Variants in EFNA5 observed in about 807,000 individuals in gnomAD.
EFNA5 encodes the protein ephrin A5, also known as ephrin-A5.
A neutral mutation model predicts 22.9 loss-of-function variants in EFNA5; 5 were observed. That is an observed-to-expected ratio of 0.22 (90% CI 0.11 to 0.46). EFNA5 has a LOEUF of 0.46. EFNA5 is among the 20% of genes least tolerant of loss of function. EFNA5 has a pLI of 0.99. For synonymous variants in EFNA5, 113 were observed against 112.2 expected, an observed-to-expected ratio of 1.01 and a Z score of -0.04; for missense variants, 237 against 293.3, an observed-to-expected ratio of 0.81 and a Z score of 1.40.
chr5:107,522,794 C>G (rs1264411985), intron 1 of EFNA5, among the ~76,000 whole-genome samples: 2 of 152,124 alleles, frequency 1.3e-5, no homozygotes, highest in Non-Finnish European at 2.9e-5. Context: ...CCACTATGCT[C>G]TATCACATTT....
intron 2 of EFNA5, among the ~76,000 whole-genome samples, chr5:107,394,511 A>C (rs1747868877): frequency 6.6e-6 from 1 of 152,212 alleles, no homozygotes; most frequent in Non-Finnish European, 1.5e-5. Flanking sequence ...ACTTGGTTTT[A>C]ACACCAGGGA....
intron 1 of EFNA5, among the ~76,000 whole-genome samples, chr5:107,512,251 C>A (rs964141741): frequency 5.3e-5 from 8 of 152,158 alleles, no homozygotes; most frequent in African/African-American, 1.9e-4. Flanking sequence ...TCAATCAATC[C>A]TGGCTCAGTG....
At position 107,378,497 on chromosome 5, in the gene EFNA5, G is replaced by A. The variant is rs573648892; in HGVS notation, c.*2758C>T. ...ATCAACATCCTCCTAAGCCCCCAGA[G>A]GATTGTAACACCACCACAAAAGGCC... On this transcript the variant is annotated 3_prime_UTR_variant, in exon 5 of 5. Coordinates refer to ENST00000333274, the MANE Select transcript of EFNA5 (RefSeq NM_001962.3). 2 of 152,040 alleles carry A rather than the reference G, an allele frequency of 1.3e-5. No homozygotes were observed. Among genetic ancestry groups the A allele is most frequent in the Non-Finnish European group, 2.9e-5 (2 of 68,018 alleles). The allele number at this position is 152,040 out of a possible 1,614,324, so 9.4% of individuals were successfully genotyped here.
intron 1 of EFNA5, among the ~76,000 whole-genome samples, chr5:107,532,985 A>C (rs1485765835): frequency 6.6e-6 from 1 of 152,126 alleles, no homozygotes; most frequent in East Asian, 1.9e-4. Flanking sequence ...AATTCCATGC[A>C]CCACAGCTCA....
chr5:107,456,512 A>G (rs1008944242), intron 1 of EFNA5, among the ~76,000 whole-genome samples: 1 of 152,142 alleles, frequency 6.6e-6, no homozygotes, highest in Non-Finnish European at 1.5e-5. Context: ...TGTAGAAGCC[A>G]GCAAACAGCA....
At chr5:107,613,526 G>A (rs1337553087) in intron 1 of EFNA5, among the ~76,000 whole-genome samples, 1 of 151,976 alleles carries the variant, frequency 6.6e-6, no homozygotes, top group East Asian at 1.9e-4. Context: ...ATTTCCTCCT[G>A]ACAGATCATG....
intron 1 of EFNA5, among the ~76,000 whole-genome samples, chr5:107,512,716 G>A (rs1747397316): frequency 6.6e-6 from 1 of 152,084 alleles, no homozygotes; most frequent in Non-Finnish European, 1.5e-5. Flanking sequence ...CGAGAATGCT[G>A]TTCTGAATTC....
chr5:107,470,030 T>C (rs1326224342), intron 1 of EFNA5, among the ~76,000 whole-genome samples: 3 of 152,130 alleles, frequency 2.0e-5, no homozygotes, highest in Admixed American at 6.5e-5. Flanking sequence ...CAAAGGGCAA[T>C]AGGAAATAAT....
At chr5:107,546,709 G>T (rs1431057432) in intron 1 of EFNA5, among the ~76,000 whole-genome samples, 2 of 123,286 alleles carry the variant, frequency 1.6e-5, no homozygotes, top group Non-Finnish European at 3.6e-5. Context: ...GTGTAGGAAA[G>T]AATTTTTTTT....
intron 1 of EFNA5, among the ~76,000 whole-genome samples, chr5:107,622,990 C>G (rs964326538): frequency 7.4e-6 from 1 of 134,300 alleles, no homozygotes; most frequent in Non-Finnish European, 1.5e-5. Flanking sequence ...CACTGCAGTC[C>G]GCAGTCCGGC....
chr5:107,392,131 C>T (rs1330792795), intron 2 of EFNA5, among the ~76,000 whole-genome samples: 1 of 152,210 alleles, frequency 6.6e-6, no homozygotes, highest in Non-Finnish European at 1.5e-5. Context: ...TAGTAGAGAA[C>T]ACATCCCTTC....
At chr5:107,585,238 T>G (rs373168229) in intron 1 of EFNA5, among the ~76,000 whole-genome samples, 2 of 152,200 alleles carry the variant, frequency 1.3e-5, no homozygotes, top group South Asian at 4.1e-4. Flanking sequence ...TCATAAGAGT[T>G]ACTGGATGGA....
chr5:107,648,216 T>C (rs1349594128), intron 1 of EFNA5, among the ~76,000 whole-genome samples: 2 of 152,162 alleles, frequency 1.3e-5, no homozygotes, highest in East Asian at 3.8e-4. Flanking sequence ...TTTCATATTA[T>C]AAAGTTTACT....
Position 107,427,259 on chromosome 5 carries a change from G to A in EFNA5, c.376C>T (p.Leu126=), listed in dbSNP as rs1202020894. 2 of 1,613,988 alleles carry A rather than the reference G, an allele frequency of 1.2e-6. No homozygotes were observed. The highest frequency in any genetic ancestry group is 8.5e-7 in the Non-Finnish European group (1 of 1,180,026). ...CGGCCTGGCCTGAATTCAAATCCTAGAGAAAAGGGAGTGAAGAGCTGGAAT... is the reference window on the plus strand; with the variant it reads ...CGGCCTGGCCTGAATTCAAATCCTAAAGAAAAGGGAGTGAAGAGCTGGAAT... The part of the protein sequence containing the change: ...EKFQLFTPFS[L]GFEFRPGREY... The change falls in exon 2 of 5, where the codon CTA becomes TTA. Residue 126 remains leucine, a synonymous_variant. Transcript: ENST00000333274.
intron 1 of EFNA5, among the ~76,000 whole-genome samples, chr5:107,636,038 C>G (rs934523184): frequency 6.6e-6 from 1 of 152,184 alleles, no homozygotes; most frequent in African/African-American, 2.4e-5. Flanking sequence ...GTCACTTAAG[C>G]TACCACATTA....
At chr5:107,491,585 A>G (rs1318551121) in intron 1 of EFNA5, among the ~76,000 whole-genome samples, 1 of 152,200 alleles carries the variant, frequency 6.6e-6, no homozygotes, top group Non-Finnish European at 1.5e-5. Context: ...TGCTGGGATT[A>G]CAGGCATGAG....
intron 1 of EFNA5, among the ~76,000 whole-genome samples, chr5:107,496,524 A>G (rs1746990422): frequency 6.7e-6 from 1 of 149,970 alleles, no homozygotes. Flanking sequence ...GAAGTACCTT[A>G]TCACAACGCT....
intron 2 of EFNA5, among the ~76,000 whole-genome samples, chr5:107,412,411 ACT>A (rs1312431061): frequency 6.6e-6 from 1 of 152,206 alleles, no homozygotes; most frequent in African/African-American, 2.4e-5. Context: ...TCCAGAAAGC[ACT>A]TTGGCAGTCA....
At chr5:107,482,360 G>C (rs1047714167) in intron 1 of EFNA5, among the ~76,000 whole-genome samples, 2 of 151,622 alleles carry the variant, frequency 1.3e-5, no homozygotes, top group African/African-American at 4.8e-5. Context: ...ATACTTATCT[G>C]TTATTTAAGA....
Sources: allele counts gnomAD v4.1 joint callset (sites outside exome capture counted in the v4.1 genomes callset), GRCh38; gene constraint gnomAD v4.1.1; transcripts MANE v1.5; gene names NCBI Gene and HGNC (gene_info 2026-07-23, HGNC 2026-07-21).